Variants in LAMB1 observed in about 807,000 individuals in gnomAD.
The protein encoded by LAMB1 is laminin subunit beta 1.
LAMB1 carries 121 observed loss-of-function variants against 222.3 expected under a neutral mutation model. That is an observed-to-expected ratio of 0.54 (90% CI 0.47 to 0.63). The LOEUF (loss-of-function observed/expected upper bound fraction) is 0.63. Among genes scored for constraint, LAMB1 ranks in the 30% least tolerant of loss-of-function variants. The probability of loss-of-function intolerance (pLI) is 0.00; values close to 1 mark genes in which losing one functional copy is unlikely to be tolerated. For synonymous variants in LAMB1, 794 were observed against 807.2 expected (o/e 0.98, Z 0.28); for missense variants, 2,172 against 2,240.8 (o/e 0.97, Z 0.62).
chr7:107,929,125 G>C lies in LAMB1; in HGVS notation c.4826C>G (p.Ala1609Gly), dbSNP rs1460859948. The C allele has an allele frequency of 6.2e-7, 1 of 1,614,004 alleles. No individual in the cohort carries two copies. The highest frequency in any genetic ancestry group is 8.5e-7 in the Non-Finnish European group (1 of 1,179,988). ...ATCTGCTTGTTTAATTGCCTTCTCT[G>C]CTGCGACCTGGGCCTTTTCTGCTTC... ...LEEAEKAQVAAEKAIKQADED... is the reference protein window; with the variant it reads ...LEEAEKAQVAGEKAIKQADED... The change falls in exon 31 of 34, where the codon GCA (alanine) becomes GGA (glycine). Residue 1609 changes from alanine (A) to glycine (G), a missense_variant. By Grantham distance (60) the Ala-to-Gly change is moderately conservative. Coordinates refer to ENST00000222399, the MANE Select transcript of LAMB1 (RefSeq NM_002291.3).
chr7:108,002,224 C>A (rs768023458), intron 2 of LAMB1: 3 of 1,339,744 alleles, frequency 2.2e-6, no homozygotes, highest in Non-Finnish European at 3.0e-6. Context: ...AGTGCGTGTG[C>A]GTGCACGCGC....
intron 13 of LAMB1, among the ~76,000 whole-genome samples, chr7:107,967,866 T>C (rs980751364): frequency 6.6e-6 from 1 of 152,080 alleles, no homozygotes; most frequent in Admixed American, 6.5e-5. Context: ...AACCTATGCA[T>C]TGATAGAGTT....
chr7:107,971,230 T>C (rs957788924), intron 13 of LAMB1, among the ~76,000 whole-genome samples: 1 of 152,232 alleles, frequency 6.6e-6, no homozygotes, highest in Non-Finnish European at 1.5e-5. Context: ...CATTTAGAGA[T>C]TGCCTCTCTA....
intron 31 of LAMB1, among the ~76,000 whole-genome samples, chr7:107,927,400 C>T (rs2032591080): frequency 7.1e-6 from 1 of 141,808 alleles, no homozygotes; most frequent in Non-Finnish European, 1.6e-5. Context: ...CATCAAGCCA[C>T]ATCTCACCTA....
At chr7:107,996,994 C>G (rs1310852184) in intron 4 of LAMB1, among the ~76,000 whole-genome samples, 1 of 152,136 alleles carries the variant, frequency 6.6e-6, no homozygotes, top group Non-Finnish European at 1.5e-5. Context: ...AATATGCCCC[C>G]GTAAGAATGA....
chr7:107,971,537 A>G (rs2033749206), intron 13 of LAMB1, among the ~76,000 whole-genome samples: 1 of 152,202 alleles, frequency 6.6e-6, no homozygotes, highest in Non-Finnish European at 1.5e-5. Context: ...AACACTCTAG[A>G]GTCACCAGAC....
intron 24 of LAMB1, among the ~76,000 whole-genome samples, chr7:107,941,104 C>T (rs1037185056): frequency 2.6e-5 from 4 of 152,184 alleles, no homozygotes; most frequent in Admixed American, 6.5e-5. Context: ...TCAGTCTCAG[C>T]GTCTCACAGG....
intron 24 of LAMB1, among the ~76,000 whole-genome samples, chr7:107,947,846 G>T (rs1448190021): frequency 6.6e-6 from 1 of 152,046 alleles, no homozygotes; most frequent in Non-Finnish European, 1.5e-5. Context: ...CCATTATGGT[G>T]ATGACCCAAA....
chr7:107,931,771 G>C (rs1372565832), intron 28 of LAMB1: 6 of 487,958 alleles, frequency 1.2e-5, no homozygotes, highest in Non-Finnish European at 1.8e-5. Context: ...AAATAGTCCT[G>C]AGTCTTTTTC....
chr7:107,969,325 C>T (rs1255384853), intron 13 of LAMB1, among the ~76,000 whole-genome samples: 2 of 151,064 alleles, frequency 1.3e-5, no homozygotes, highest in Non-Finnish European at 2.9e-5. Context: ...TAGAAATTGG[C>T]AACATTTAAA....
At chr7:107,935,732 G>A in intron 26 of LAMB1, 76 bp from the exon 27 acceptor site, 1 of 1,474,638 alleles carries the variant, frequency 6.8e-7, no homozygotes, top group Non-Finnish European at 9.2e-7. Flanking sequence ...TCTATATTTG[G>A]TGTCTTCGGG....
intron 13 of LAMB1, among the ~76,000 whole-genome samples, chr7:107,972,099 T>A (rs539745666): frequency 6.6e-6 from 1 of 152,316 alleles, no homozygotes; most frequent in South Asian, 2.1e-4. Context: ...AGAACAGATA[T>A]TCACACCGGA....
chr7:107,940,340 C>T lies in LAMB1; in HGVS notation c.3410G>A (p.Arg1137Lys). The T allele has an allele frequency of 6.2e-7, 1 of 1,613,574 alleles. No homozygotes were observed. The highest frequency in any genetic ancestry group is 1.7e-5 in the Admixed American group (1 of 60,010). ...GTCACACTGTGGCGTCTCAATGCCC[C>T]TGGGGTCACAGTCACAGGCTAGAAG... The part of the protein sequence containing the change: ...VECRACDCDP[R>K]GIETPQCDQS... The change falls in exon 25 of 34, where the codon AGG (arginine) becomes AAG (lysine). Residue 1137 changes from arginine (R) to lysine (K), a missense_variant. Arg to Lys is a conservative substitution (Grantham distance 26). Coordinates refer to ENST00000222399, the MANE Select transcript of LAMB1 (RefSeq NM_002291.3).
At chr7:107,941,484 C>T (rs1429060028) in intron 24 of LAMB1, among the ~76,000 whole-genome samples, 1 of 152,152 alleles carries the variant, frequency 6.6e-6, no homozygotes, top group Non-Finnish European at 1.5e-5. Context: ...TTTTCAGCAT[C>T]GGACTCAGGG....
rs762839032 is a variant in LAMB1, at chr7:107,961,642, A to G, written c.1892T>C (p.Val631Ala). 2 of 1,613,974 alleles carry G rather than the reference A, an allele frequency of 1.2e-6. No individual in the cohort carries two copies. The highest frequency in any genetic ancestry group is 1.3e-5 in the African/African-American group (1 of 75,036). The change falls in exon 16 of 34, where the codon GTG becomes GCG. Residue 631 changes from valine (V) to alanine (A), a missense_variant. By Grantham distance (64) the Val-to-Ala change is moderately conservative. Transcript: ENST00000222399. ...PDHWEKAVIT[V>A]QRPGRIPTSS... is the part of the protein sequence containing the mutation. Reference sequence around the variant, plus strand: ...GGTTGGAATCCTTCCAGGTCGCTGCACTGTGATGACAGCTTTTTCCCAGTG... The same window carrying G: ...GGTTGGAATCCTTCCAGGTCGCTGCGCTGTGATGACAGCTTTTTCCCAGTG...
chr7:107,927,159 A>G (rs943631349), intron 31 of LAMB1, among the ~76,000 whole-genome samples: 1 of 152,232 alleles, frequency 6.6e-6, no homozygotes, highest in Non-Finnish European at 1.5e-5. Flanking sequence ...GGGTCAGTAT[A>G]AGACATAGGC....
At chr7:107,981,899 C>G in intron 7 of LAMB1, among the ~76,000 whole-genome samples, 1 of 152,200 alleles carries the variant, frequency 6.6e-6, no homozygotes, top group East Asian at 1.9e-4. Flanking sequence ...TAACTACAAC[C>G]TAAGGAGAGA....
chr7:107,995,041 A>G, intron 4 of LAMB1, 81 bp from the exon 5 acceptor site: 2 of 738,742 alleles, frequency 2.7e-6, no homozygotes, highest in Non-Finnish European at 2.2e-6. Flanking sequence ...CTATTTTTTA[A>G]ATTACTTTTA....
intron 5 of LAMB1, among the ~76,000 whole-genome samples, chr7:107,988,074 T>C (rs2034113355): frequency 6.6e-6 from 1 of 152,322 alleles, no homozygotes; most frequent in African/African-American, 2.4e-5. Flanking sequence ...GGTTTTAACC[T>C]GAGAAATTAC....
Sources: allele counts gnomAD v4.1 joint callset (sites outside exome capture counted in the v4.1 genomes callset), GRCh38; gene constraint gnomAD v4.1.1; transcripts MANE v1.5; gene names NCBI Gene and HGNC (gene_info 2026-07-23, HGNC 2026-07-21).